Variants in ISX observed in about 807,000 individuals in gnomAD.
ISX encodes intestine-specific homeobox.
A neutral mutation model predicts 16.9 loss-of-function variants in ISX; 15 were observed. That is an observed-to-expected ratio of 0.89 (90% CI 0.59 to 1.36). The LOEUF (loss-of-function observed/expected upper bound fraction) is 1.36. Ranked by LOEUF, ISX falls within the 40% of genes most tolerant of loss-of-function variation. The pLI is 0.00. For missense variants in ISX, 316 were observed against 306.1 expected, an observed-to-expected ratio of 1.03 and a Z score of -0.24; for synonymous variants, 125 against 119.7, an observed-to-expected ratio of 1.04 and a Z score of -0.29.
chr22:35,076,044 T>C (rs535968449), intron 2 of ISX, among the ~76,000 whole-genome samples: 1 of 152,304 alleles, frequency 6.6e-6, no homozygotes, highest in East Asian at 1.9e-4. Context: ...AGAAAATTTT[T>C]TTTTACAAAT....
At chr22:35,072,185 T>G (rs361985) in intron 2 of ISX, among the ~76,000 whole-genome samples, 65,349 of 151,784 alleles carry the variant, frequency 0.43, 14,545 homozygotes, top group East Asian at 0.79. Context: ...CAGGGATACC[T>G]GGAGACTGGT....
In ISX at chr22:35,067,409, G is replaced by A; in HGVS notation, c.229+93G>A. The A allele has an allele frequency of 6.0e-6, 5 of 837,416 alleles. No homozygotes were observed. In the South Asian group the frequency reaches 9.0e-5, roughly 15 times the overall value. The allele number at this position is 837,416 out of a possible 1,614,324, so 51.9% of individuals were successfully genotyped here. A position where few individuals can be genotyped will look rare whatever the true frequency, so the allele number is the denominator to read the frequency against. ...AAAAGCTTCTCCGTCCATATTAACT[G>A]GATAGAGGACTCTAAAATTCAGAGC... On this transcript the variant is annotated intron_variant, in intron 2 of 4. Transcript: ENST00000404699.
chr22:35,085,052 CAA>C (rs1929215784), intron 4 of ISX, among the ~76,000 whole-genome samples: 1 of 152,066 alleles, frequency 6.6e-6, no homozygotes, highest in Non-Finnish European at 1.5e-5. Flanking sequence ...GAGCAGTAAA[CAA>C]AATAGACAAT....
chr22:35,076,717 C>T (rs62241684), intron 2 of ISX, among the ~76,000 whole-genome samples: 2 of 152,072 alleles, frequency 1.3e-5, no homozygotes, highest in African/African-American at 2.4e-5. Flanking sequence ...GGGTGCTGAG[C>T]GAGGAGAAAC....
intron 2 of ISX, among the ~76,000 whole-genome samples, chr22:35,081,615 A>G (rs1458457754): frequency 1.3e-5 from 2 of 152,104 alleles, no homozygotes; most frequent in Non-Finnish European, 2.9e-5. Flanking sequence ...TTGGTGGGGA[A>G]GGGAACTGGG....
intron 2 of ISX, among the ~76,000 whole-genome samples, chr22:35,075,609 A>AT (rs891670020): frequency 6.6e-6 from 1 of 152,194 alleles, no homozygotes; most frequent in African/African-American, 2.4e-5. Context: ...AGAAACAAAA[A>AT]TTTTTTTAAA....
chr22:35,068,832 C>T (rs1339402674), intron 2 of ISX, among the ~76,000 whole-genome samples: 2 of 152,194 alleles, frequency 1.3e-5, no homozygotes, highest in African/African-American at 4.8e-5. Flanking sequence ...TGGCCATTTT[C>T]CCATCTCACT....
intron 2 of ISX, among the ~76,000 whole-genome samples, chr22:35,069,303 G>C (rs1203637984): frequency 6.6e-6 from 1 of 152,160 alleles, no homozygotes; most frequent in East Asian, 1.9e-4. Flanking sequence ...GAAACCTGCA[G>C]AAATTGCAAA....
At position 35,082,580 on chromosome 22, in the gene ISX, GAGA is replaced by G. The variant is rs1450776502; in HGVS notation, c.296_298del (p.Lys99del). The G allele has an allele frequency of 3.6e-5, 58 of 1,614,186 alleles. 1 individual carries two copies. In the East Asian group the frequency reaches 1.2e-3, roughly 34 times the overall value. ...CACCACTGAGCAGCTGCATGAGCTG[GAGA>G]AGATCTTCCACTTTACCCACTACCC... On this transcript the variant is annotated inframe_deletion, in exon 3 of 5. Coordinates refer to ENST00000404699, the MANE Select transcript of ISX (RefSeq NM_001303508.2).
At chr22:35,067,755 C>T (rs1411156667) in intron 2 of ISX, among the ~76,000 whole-genome samples, 1 of 152,208 alleles carries the variant, frequency 6.6e-6, no homozygotes, top group Non-Finnish European at 1.5e-5. Context: ...CAGGACCTGG[C>T]TCTGACTCCC....
Position 35,085,679 on chromosome 22 carries a change from G to T in ISX, c.724G>T (p.Ala242Ser). 2.0e-5 allele frequency: 32 copies of T among 1,614,202 alleles called. No individual in the cohort carries two copies. The highest frequency in any genetic ancestry group is 2.7e-5 in the Non-Finnish European group (32 of 1,180,032). The change falls in exon 5 of 5, where the codon GCT (alanine) becomes TCT (serine). Residue 242 changes from alanine (A) to serine (S), a missense_variant. Transcript: ENST00000404699. ...ACACCCCAAATGGGGCAGCATCTGT[G>T]CTACTTCAACATAGAGATTGGACAT... is the stretch of plus-strand genomic sequence containing the variant. Reference protein sequence around the residue: ...PPHPKWGSICATST With the variant: ...PPHPKWGSICSTST
intron 2 of ISX, among the ~76,000 whole-genome samples, chr22:35,080,856 A>G (rs999895776): frequency 6.6e-6 from 1 of 152,216 alleles, no homozygotes; most frequent in African/African-American, 2.4e-5. Flanking sequence ...GATAAATCCC[A>G]GCAGGTGTCC....
Position 35,082,608 on chromosome 22 carries a change from C to A in ISX, c.320C>A (p.Pro107Gln). The A allele has an allele frequency of 6.2e-7, 1 of 1,614,212 alleles. No individual in the cohort carries two copies. The highest frequency in any genetic ancestry group is 1.6e-4 in the Middle Eastern group (1 of 6,062). The stretch of plus-strand genomic sequence containing the variant: ...AAGATCTTCCACTTTACCCACTACC[C>A]AGACGTTCACATCCGCAGCCAGCTG... ...LEKIFHFTHY[P>Q]DVHIRSQLAA... The change falls in exon 3 of 5, where the codon CCA becomes CAA. Residue 107 changes from proline (P) to glutamine (Q), a missense_variant. Transcript: ENST00000404699.
Position 35,085,914 on chromosome 22 carries a change from T to C in ISX, c.*221T>C. The C allele has an allele frequency of 1.7e-6, 1 of 591,482 alleles. No homozygotes were observed. The highest frequency in any genetic ancestry group is 3.0e-6 in the Non-Finnish European group (1 of 335,222). The allele number at this position is 591,482 out of a possible 1,614,324, so 36.6% of individuals were successfully genotyped here. On this transcript the variant is annotated 3_prime_UTR_variant, in exon 5 of 5. Transcript: ENST00000404699. ...TCTCTCCTGGCTAAAGCTGCTCTCC[T>C]GGTTCAGAAGACAGGCTGGATGAGA...
chr22:35,082,692 C>A (rs1337329344), intron 3 of ISX, 23 bp downstream of exon 3: 1 of 1,613,150 alleles, frequency 6.2e-7, no homozygotes. Context: ...CTACCTCAGC[C>A]CCCAGCCTCC....
At chr22:35,075,652 A>T (rs1474347224) in intron 2 of ISX, among the ~76,000 whole-genome samples, 2 of 152,156 alleles carry the variant, frequency 1.3e-5, no homozygotes, top group Admixed American at 6.5e-5. Flanking sequence ...GAGTGTGGGT[A>T]TGTGTGGGTG....
At chr22:35,085,331 G>T in intron 4 of ISX, 123 bp from the exon 5 acceptor site, 1 of 1,240,418 alleles carries the variant, frequency 8.1e-7, no homozygotes, top group Non-Finnish European at 1.2e-6. Context: ...AAGGTCCTGA[G>T]CAAACCAGAA....
intron 2 of ISX, among the ~76,000 whole-genome samples, chr22:35,075,106 G>C (rs1928947800): frequency 6.6e-6 from 1 of 152,156 alleles, no homozygotes; most frequent in Non-Finnish European, 1.5e-5. Context: ...TTAGAACACA[G>C]AAGAGGCAAT....
chr22:35,072,260 C>G (rs1413452920), intron 2 of ISX, among the ~76,000 whole-genome samples: 5 of 152,182 alleles, frequency 3.3e-5, no homozygotes, highest in Admixed American at 3.3e-4. Context: ...CAAGGCATGG[C>G]CCCTACCTGC....
Sources: allele counts gnomAD v4.1 joint callset (sites outside exome capture counted in the v4.1 genomes callset), GRCh38; gene constraint gnomAD v4.1.1; transcripts MANE v1.5; gene names NCBI Gene and HGNC (gene_info 2026-07-23, HGNC 2026-07-21).